Variants in ERBB2 observed in about 807,000 individuals in gnomAD.
The protein encoded by ERBB2 is erb-b2 receptor tyrosine kinase 2, also known as receptor tyrosine-protein kinase erbB-2.
Under a neutral mutation model 149.0 loss-of-function variants are expected in ERBB2, and 61 were observed. That is an observed-to-expected ratio of 0.41 (90% CI 0.33 to 0.51). ERBB2 has a LOEUF of 0.51. ERBB2 is among the 20% of genes least tolerant of loss of function. ERBB2 has a pLI of 0.25. For missense variants in ERBB2, 1,205 were observed against 1,655.1 expected, an observed-to-expected ratio of 0.73 and a Z score of 4.72; for synonymous variants, 633 against 678.8, an observed-to-expected ratio of 0.93 and a Z score of 1.05.
At chr17:39,693,763 T>TC (rs2057763063), upstream of ERBB2, among the ~76,000 whole-genome samples, 1 of 130,020 alleles carries the variant, frequency 7.7e-6, no homozygotes, top group African/African-American at 3.6e-5. Context: ...ATCTCGAAAA[T>TC]AAAATAATAA....
intron 16 of ERBB2, among the ~76,000 whole-genome samples, chr17:39,722,177 A>G (rs2059489862): frequency 6.6e-6 from 1 of 152,084 alleles, no homozygotes; most frequent in African/African-American, 2.4e-5. Context: ...CTCAGCCTCA[A>G]GCCACCATGC....
intron 1 of ERBB2, among the ~76,000 whole-genome samples, chr17:39,700,572 G>A (rs1359669146): frequency 1.3e-5 from 2 of 152,218 alleles, no homozygotes; most frequent in Non-Finnish European, 2.9e-5. Context: ...ACTTGTCAAA[G>A]AAGTTCTCTG....
intron 1 of ERBB2, among the ~76,000 whole-genome samples, chr17:39,705,047 G>A (rs1316606314): frequency 6.6e-6 from 1 of 152,166 alleles, no homozygotes; most frequent in Non-Finnish European, 1.5e-5. Flanking sequence ...CAAGCTTTAT[G>A]AGGCGAGAGC....
rs954189325 is a variant in ERBB2, at chr17:39,726,178, A to T, written c.2872+325A>T. ...GTGAGATCCTATCTCTACAAAAAAT[A>T]AAAAAATTATCTGGGTGTGGTGGTG... is the stretch of plus-strand genomic sequence containing the variant. On this transcript the variant is annotated intron_variant, in intron 23 of 26. Transcript: ENST00000269571. This position sits in a 1 kb window ranked among gnomAD's most constrained non-coding sequence, Gnocchi z 5.1. 1.3e-5 allele frequency: 5 copies of T among 389,698 alleles called. No homozygotes were observed. The highest frequency in any genetic ancestry group is 4.4e-5 in the Admixed American group (1 of 22,798). 24.1% of individuals were successfully genotyped at this position (389,698 alleles called of 1,614,324 possible). A position where few individuals can be genotyped will look rare whatever the true frequency, so the allele number is the denominator to read the frequency against.
intron 16 of ERBB2, among the ~76,000 whole-genome samples, chr17:39,720,742 T>A (rs1329268107): frequency 6.6e-6 from 1 of 152,034 alleles, no homozygotes; most frequent in African/African-American, 2.4e-5. Context: ...CTCTGCCTCC[T>A]GGGTTCAAGC....
intron 19 of ERBB2, 26 bp from the exon 20 acceptor site, chr17:39,724,700 C>G (rs1387969887): frequency 6.2e-7 from 1 of 1,608,550 alleles, no homozygotes; most frequent in Non-Finnish European, 8.5e-7. Flanking sequence ...GTCTCCCATA[C>G]CCTCTCAGCG....
In ERBB2 at chr17:39,712,259, T is replaced by A. The variant is rs779917953; in HGVS notation, c.1022-63T>A. The A allele has an allele frequency of 1.9e-6, 3 of 1,606,540 alleles. No individual in the cohort carries two copies. In the South Asian group the frequency reaches 3.3e-5, roughly 18 times the overall value. Reference sequence around the variant, plus strand: ...GCCCGGACCCTGATGCTCATGTGGCTGTTGACCTGTCCCGGTATGAAGGCT... The same window carrying A: ...GCCCGGACCCTGATGCTCATGTGGCAGTTGACCTGTCCCGGTATGAAGGCT... On this transcript the variant is annotated intron_variant, in intron 8 of 26. Coordinates refer to ENST00000269571, the MANE Select transcript of ERBB2 (RefSeq NM_004448.4).
At chr17:39,715,410 T>C (rs750184131) in intron 10 of ERBB2, 36 bp from the exon 11 acceptor site, 1 of 1,613,464 alleles carries the variant, frequency 6.2e-7, no homozygotes, top group Admixed American at 1.7e-5. Context: ...GTCCTTGTCC[T>C]GTCCCCACTC....
At chr17:39,694,811 G>A, upstream of ERBB2, 2 of 152,346 alleles carry the variant, frequency 1.3e-5, 1 homozygote. Flanking sequence ...TGGATCAGTG[G>A]AATGAAGCGG....
rs202106955 is a variant in ERBB2 at position 39,727,597 on chromosome 17, C to A, written c.3412+50C>A. On this transcript the variant is annotated intron_variant, in intron 26 of 26. Transcript: ENST00000269571. The surrounding 1 kb of genome is among the most constrained non-coding windows in gnomAD (Gnocchi z 4.3). Reference sequence around the variant, plus strand: ...AGACTGATGGGCAGGGGAGGTGGGACCTTCAGCCCAGGGTCCACTGTGGGG... The same window carrying A: ...AGACTGATGGGCAGGGGAGGTGGGAACTTCAGCCCAGGGTCCACTGTGGGG... The A allele has an allele frequency of 6.3e-7, 1 of 1,577,936 alleles. No homozygotes were observed. The highest frequency in any genetic ancestry group is 8.6e-7 in the Non-Finnish European group (1 of 1,168,790).
chr17:39,702,881 G>A (rs1008663131), intron 1 of ERBB2, among the ~76,000 whole-genome samples: 1 of 152,216 alleles, frequency 6.6e-6, no homozygotes, highest in Non-Finnish European at 1.5e-5. Context: ...AATGTCCAGG[G>A]AATTTTTGGA....
chr17:39,712,744 C>G lies in ERBB2; in HGVS notation c.1148+296C>G, dbSNP rs992273702. On this transcript the variant is annotated intron_variant, in intron 9 of 26. Transcript: ENST00000269571. ...CAAAATATCCCCAAATTGGAAATAA[C>G]TCAAATGTGCATCACTAGGTGAAGG... 3.3e-5 allele frequency among the ~76,000 whole-genome samples: 5 copies of G among 152,164 alleles called. No individual in the cohort carries two copies. The East Asian group carries it at 5.8e-4, about 18-fold the overall frequency.
chr17:39,691,574 T>TATATATATATACACAC (rs1244087250), upstream of ERBB2, among the ~76,000 whole-genome samples: 15 of 122,046 alleles, frequency 1.2e-4, no homozygotes, highest in African/African-American at 5.2e-4. Flanking sequence ...TATATATATA[T>TATATATATATACACAC]ACACACACAC....
At chr17:39,704,119 C>A (rs2058272473) in intron 1 of ERBB2, among the ~76,000 whole-genome samples, 1 of 152,184 alleles carries the variant, frequency 6.6e-6, no homozygotes, top group African/African-American at 2.4e-5. Context: ...CTTCATTCAT[C>A]CACTCATTCA....
chr17:39,700,633 C>A (rs1029965929), intron 1 of ERBB2, among the ~76,000 whole-genome samples: 6 of 152,192 alleles, frequency 3.9e-5, no homozygotes, highest in Non-Finnish European at 7.4e-5. Context: ...AGAGCGCGCG[C>A]GCGCGTTTCC....
At chr17:39,692,508 C>T (rs1021944651), upstream of ERBB2, among the ~76,000 whole-genome samples, 3 of 150,758 alleles carry the variant, frequency 2.0e-5, no homozygotes, top group Non-Finnish European at 4.4e-5. Context: ...CAGGTTCAAG[C>T]GATTCTGCTG....
In ERBB2 at chr17:39,725,646, C is replaced by T. The variant is rs1407580330; in HGVS notation, c.2726-61C>T. 2.6e-6 allele frequency: 4 copies of T among 1,538,238 alleles called. No homozygotes were observed. The highest frequency in any genetic ancestry group is 3.5e-6 in the Non-Finnish European group (4 of 1,135,372). ...GATGCTAGACTCCTGAGCAGAACCT[C>T]TGGCTCAGTACACTAAAGCTCCCTC... is the stretch of plus-strand genomic sequence containing the variant. On this transcript the variant is annotated intron_variant, in intron 22 of 26. Coordinates refer to ENST00000269571, the MANE Select transcript of ERBB2 (RefSeq NM_004448.4). This position sits in a 1 kb window ranked among gnomAD's most constrained non-coding sequence, Gnocchi z 4.6.
In ERBB2 at chr17:39,727,203, CTG is replaced by C; in HGVS notation, c.3160-90_3160-89del. ...CTGTGTCATACCCCAAAGGTGACCT[CTG>C]TTTTTCTCCTGTGACCCTGTCACCT... On this transcript the variant is annotated intron_variant, in intron 25 of 26. Coordinates refer to ENST00000269571, the MANE Select transcript of ERBB2 (RefSeq NM_004448.4). This position sits in a 1 kb window ranked among gnomAD's most constrained non-coding sequence, Gnocchi z 4.3. 6.7e-7 allele frequency: 1 copy of C among 1,488,954 alleles called. No individual in the cohort carries two copies. Among genetic ancestry groups the C allele is most frequent in the South Asian group, 1.2e-5 (1 of 83,914 alleles). The allele number at this position is 1,488,954 out of a possible 1,614,324, so 92.2% of individuals were successfully genotyped here. A position where few individuals can be genotyped will look rare whatever the true frequency, so the allele number is the denominator to read the frequency against.
At chr17:39,692,825 C>G (rs549656303), upstream of ERBB2, among the ~76,000 whole-genome samples, 1 of 151,690 alleles carries the variant, frequency 6.6e-6, no homozygotes. Flanking sequence ...TTAAGGAGGC[C>G]GAGGCCGGCG....
Sources: allele counts gnomAD v4.1 joint callset (sites outside exome capture counted in the v4.1 genomes callset), GRCh38; gene constraint gnomAD v4.1.1; non-coding constraint Gnocchi (gnomAD v3.1); transcripts MANE v1.5; gene names NCBI Gene and HGNC (gene_info 2026-07-23, HGNC 2026-07-21).